Variants in RGS11 observed in about 807,000 individuals in gnomAD.
RGS11 encodes regulator of G protein signaling 11, also known as regulator of G-protein signaling 11.
In RGS11, 86 loss-of-function variants were observed where a neutral mutation model predicts 71.1. That is an observed-to-expected ratio of 1.21 (90% confidence interval 1.02 to 1.45). RGS11 has a LOEUF of 1.45. Among genes scored for constraint, RGS11 ranks in the 40% most tolerant of loss-of-function variants. The probability of loss-of-function intolerance (pLI) is 0.00; values close to 1 mark genes in which losing one functional copy is unlikely to be tolerated. For missense variants in RGS11, 734 were observed against 635.1 expected (o/e 1.16, Z -1.67); for synonymous variants, 298 against 254.2 (o/e 1.17, Z -1.64).
chr16:275,722 G>A, intron 1 of RGS11, 127 bp downstream of exon 1: 2 of 413,054 alleles, frequency 4.8e-6, no homozygotes, highest in Non-Finnish European at 7.8e-6. Flanking sequence ...CGCCCCTCCC[G>A]GCCTCGCAGA....
rs1380402850 is a variant in RGS11 at position 275,004 on chromosome 16, C to A, written c.290G>T (p.Arg97Leu). 1 of 1,536,326 alleles carries A rather than the reference C, an allele frequency of 6.5e-7. No individual in the cohort carries two copies. Among genetic ancestry groups the A allele is most frequent in the South Asian group, 1.2e-5 (1 of 80,582 alleles). The stretch of plus-strand genomic sequence containing the variant: ...GAACCTGTAGGGCGTCTCGTCTGGC[C>A]GGAGCATGAGGCTACGGGGGTCGCG... The part of the protein sequence containing the change: ...PLRDPRSLML[R>L]PDETPYRFQT... Residue 97 changes from arginine (R) to leucine (L), a missense_variant, in exon 4 of 17, where the codon CGG (arginine) becomes CTG (leucine). Transcript: ENST00000397770.
chr16:271,267 C>G lies in RGS11; in HGVS notation c.798G>C (p.Ser266=), dbSNP rs377346189. The G allele has an allele frequency of 3.1e-6, 5 of 1,612,920 alleles. No homozygotes were observed. In the South Asian group the frequency reaches 3.3e-5, roughly 11 times the overall value. The part of the protein sequence containing the change: ...GQRGPHDPLV[S]GCLPSNPWIS... ...TCCAGGGATTGCTGGGCAGGCACCCCGACACGAGGGGATCGTGGGGTCCAC... is the reference window on the plus strand; with the variant it reads ...TCCAGGGATTGCTGGGCAGGCACCCGGACACGAGGGGATCGTGGGGTCCAC... Residue 266 remains serine, a synonymous_variant, in exon 12 of 17, where the codon TCG becomes TCC. Coordinates refer to ENST00000397770, the MANE Select transcript of RGS11 (RefSeq NM_183337.3).
intron 3 of RGS11, 83 bp downstream of exon 3, chr16:275,200 G>C (rs1419790619): frequency 1.9e-6 from 3 of 1,604,598 alleles, no homozygotes; most frequent in Admixed American, 1.7e-5. Flanking sequence ...GCAGGGCTCT[G>C]AGAACTGCCA....
rs967551857 is a variant in RGS11, at chr16:275,350, G to A, written c.161-17C>T. Reference sequence around the variant, plus strand: ...CGTCGCTGCCTGCACGGGAGAGACAGAGGTGGAGGGAGGCCGAGGCGCGCA... The same window carrying A: ...CGTCGCTGCCTGCACGGGAGAGACAAAGGTGGAGGGAGGCCGAGGCGCGCA... On this transcript the variant is annotated splice_polypyrimidine_tract_variant and intron_variant, in intron 2 of 16. Transcript: ENST00000397770. 5 of 1,611,664 alleles carry A rather than the reference G, an allele frequency of 3.1e-6. No homozygotes were observed. Among genetic ancestry groups the A allele is most frequent in the Admixed American group, 1.7e-5 (1 of 59,974 alleles).
intron 9 of RGS11, chr16:272,333 G>C (rs1231300387): frequency 3.1e-6 from 4 of 1,289,120 alleles, no homozygotes; most frequent in Non-Finnish European, 4.0e-6. Flanking sequence ...TTTGTATGGG[G>C]AAATGTTAGG....
Position 271,446 on chromosome 16 carries a change from C to A in RGS11, c.702G>T (p.Arg234Ser), listed in dbSNP as rs1173248758. 6.2e-6 allele frequency: 10 copies of A among 1,613,792 alleles called. No homozygotes were observed. The African/African-American group carries it at 1.3e-4, about 22-fold the overall frequency. ...TCACTCGGGTCCTGCCCAGCGCTTT[C>A]CTGAAGTACTCGATCTAGGATGTGG... is the stretch of plus-strand genomic sequence containing the variant. ...DFHKREIEYF[R>S]KALGRTRVKS... The change falls in exon 11 of 17, where the codon AGG (arginine) becomes AGT (serine). Residue 234 changes from arginine (R) to serine (S), a missense_variant. Arg to Ser is a moderately radical substitution (Grantham distance 110, BLOSUM62 -1). Coordinates refer to ENST00000397770, the MANE Select transcript of RGS11 (RefSeq NM_183337.3).
rs949419761 is a variant in RGS11 at position 268,515 on chromosome 16, C to T, written c.*754G>A. 2.0e-5 allele frequency: 11 copies of T among 552,334 alleles called. No homozygotes were observed. The highest frequency in any genetic ancestry group is 1.3e-4 in the African/African-American group (7 of 52,774). 34.2% of individuals were successfully genotyped at this position (552,334 alleles called of 1,614,324 possible). ...GGGGATGGGGAGCAAGGCCAGCTCA[C>T]GAAGGAAGACTTGGGCAGGGAGGAT... On this transcript the variant is annotated 3_prime_UTR_variant, in exon 17 of 17. Transcript: ENST00000397770.
rs762710191 is a variant in RGS11, at chr16:271,036, C to T, written c.927G>A (p.Glu309=). The change falls in exon 13 of 17, where the codon GAG becomes GAA. Residue 309 remains glutamate (E), a synonymous_variant. Transcript: ENST00000397770. ...TGAAGTGGGCCCGCCCCACGGGGTCCTCCAGGAGCTCCCGGAAGCTGAAGC... is the reference window on the plus strand; with the variant it reads ...TGAAGTGGGCCCGCCCCACGGGGTCTTCCAGGAGCTCCCGGAAGCTGAAGC... The part of the protein sequence containing the change: ...RWGFSFRELL[E]DPVGRAHFMD... 3.1e-6 allele frequency: 5 copies of T among 1,612,522 alleles called. No homozygotes were observed. In the East Asian group the frequency reaches 1.1e-4, roughly 36 times the overall value.
intron 8 of RGS11, 53 bp from the exon 9 acceptor site, chr16:272,984 C>T: frequency 7.0e-7 from 1 of 1,430,680 alleles, no homozygotes; most frequent in Non-Finnish European, 9.3e-7. Context: ...GGCTGACCCC[C>T]TTTAAGGCTA....
rs555577763 is a variant in RGS11 at position 270,842 on chromosome 16, G to T, written c.980-11C>A. The T allele has an allele frequency of 1.9e-6, 3 of 1,608,260 alleles. No homozygotes were observed. The highest frequency in any genetic ancestry group is 2.7e-5 in the African/African-American group (2 of 74,928). ...AGCTGAGGTTTTCTCCTGGGGGGCC[G>T]GGCACCCAGTCAAGGATCCCATCGA... On this transcript the variant is annotated splice_polypyrimidine_tract_variant and intron_variant, in intron 13 of 16. Coordinates refer to ENST00000397770, the MANE Select transcript of RGS11 (RefSeq NM_183337.3).
chr16:275,883 C>G lies in RGS11; in HGVS notation c.29G>C (p.Gly10Ala). The G allele has an allele frequency of 1.0e-6, 1 of 964,170 alleles. No homozygotes were observed. The highest frequency in any genetic ancestry group is 1.3e-6 in the Non-Finnish European group (1 of 790,642). The allele number at this position is 964,170 out of a possible 1,614,324, so 59.7% of individuals were successfully genotyped here. The change falls in exon 1 of 17, where the codon GGC (glycine) becomes GCC (alanine). Residue 10 changes from glycine to alanine, a missense_variant. By Grantham distance (60) the Gly-to-Ala change is moderately conservative. Coordinates refer to ENST00000397770, the MANE Select transcript of RGS11 (RefSeq NM_183337.3). ...ATGCGGCATCTGCGCCCGGGGGCGGCCGGGGGGCGGCGCGGGGCCGGCGGC... is the reference window on the plus strand; with the variant it reads ...ATGCGGCATCTGCGCCCGGGGGCGGGCGGGGGGCGGCGCGGGGCCGGCGGC... MAAGPAPPP[G>A]RPRAQMPHLR...
chr16:275,784 C>G (rs1456272132), intron 1 of RGS11, 65 bp downstream of exon 1: 1 of 549,170 alleles, frequency 1.8e-6, no homozygotes, highest in Non-Finnish European at 2.6e-6. Flanking sequence ...CCCATGCTCT[C>G]CGGCCCCTCC....
chr16:275,808 C>A, intron 1 of RGS11, 41 bp downstream of exon 1: 1 of 907,340 alleles, frequency 1.1e-6, no homozygotes, highest in Non-Finnish European at 1.4e-6. Flanking sequence ...CCTCGGGCGC[C>A]GGGAAATCGG....
intron 7 of RGS11, 100 bp downstream of exon 7, chr16:273,660 C>G: frequency 6.6e-7 from 1 of 1,510,554 alleles, no homozygotes. Flanking sequence ...CAGGGGTGCC[C>G]TCCACGGTCC....
Position 269,305 on chromosome 16 carries a change from C to T in RGS11, c.1368G>A (p.Ala456=), listed in dbSNP as rs767291709. Residue 456 remains alanine (A), a synonymous_variant, in exon 17 of 17, where the codon GCG becomes GCA. Transcript: ENST00000397770. ...ALLPTPVEPT[A]ACGPGGGDGV... ...CATCTCCACCCCCAGGGCCACAAGCCGCTGTGGGCTCCACAGGGGTGGGAA... is the reference window on the plus strand; with the variant it reads ...CATCTCCACCCCCAGGGCCACAAGCTGCTGTGGGCTCCACAGGGGTGGGAA... 2.5e-5 allele frequency: 40 copies of T among 1,590,198 alleles called. No individual in the cohort carries two copies. Among genetic ancestry groups the T allele is most frequent in the South Asian group, 1.4e-4 (12 of 87,464 alleles).
In RGS11 at chr16:271,292, C is replaced by G. The variant is rs368956024; in HGVS notation, c.773G>C (p.Arg258Pro). The G allele has an allele frequency of 6.8e-6, 11 of 1,612,906 alleles. No homozygotes were observed. Among genetic ancestry groups the G allele is most frequent in the Middle Eastern group, 1.7e-4 (1 of 6,056 alleles). The change falls in exon 12 of 17, where the codon CGT (arginine) becomes CCT (proline). Residue 258 changes from arginine (R) to proline (P), a missense_variant. Coordinates refer to ENST00000397770, the MANE Select transcript of RGS11 (RefSeq NM_183337.3). ...CGACACGAGGGGATCGTGGGGTCCACGCTGGCCGCAGAAACTCAGGTACCT... is the reference window on the plus strand; with the variant it reads ...CGACACGAGGGGATCGTGGGGTCCAGGCTGGCCGCAGAAACTCAGGTACCT... The part of the protein sequence containing the change: ...LEAYLSFCGQ[R>P]GPHDPLVSGC...
At chr16:274,467 G>T (rs2052076584) in intron 4 of RGS11, 4 of 620,270 alleles carry the variant, frequency 6.4e-6, no homozygotes, top group Non-Finnish European at 1.1e-5. Flanking sequence ...GCTCCTTAGG[G>T]CCCTGTTCAG....
chr16:274,151 C>G (rs191294588), intron 5 of RGS11, 50 bp from the exon 6 acceptor site: 10 of 1,575,228 alleles, frequency 6.3e-6, no homozygotes, highest in African/African-American at 1.4e-5. Flanking sequence ...CCCTGCCTCA[C>G]GGCATCACCC....
At position 270,793 on chromosome 16, in the gene RGS11, G is replaced by A. The variant is rs746717778; in HGVS notation, c.1018C>T (p.Arg340Ter). 3.2e-5 allele frequency: 51 copies of A among 1,612,336 alleles called. No individual in the cohort carries two copies. Among genetic ancestry groups the A allele is most frequent in the East Asian group, 8.9e-5 (4 of 44,846 alleles). ...GGGACCTGGGCCTGCGCTCCATATC[G>A]AAGCTCCTCACATGCCTCCCAGAAG... Reference protein sequence around the residue: ...LSFWEACEELRYGAQAQVPTL... With the variant: ...LSFWEACEEL The change falls in exon 14 of 17, where the codon CGA (arginine) becomes TGA (stop). Residue 340 changes from arginine to a stop codon, truncating the protein, a stop_gained. Transcript: ENST00000397770. LOFTEE classifies it high-confidence loss of function.
Sources: gnomAD v4.1 joint callset for allele counts on GRCh38, gnomAD v4.1.1 for gene constraint, MANE v1.5 for transcripts, NCBI Gene and HGNC (gene_info 2026-07-23, HGNC 2026-07-21) for gene names.